FRMD4A: variants seen among roughly 807,000 people sequenced by gnomAD.
FRMD4A encodes FERM domain-containing protein 4A.
In FRMD4A, 29 loss-of-function variants were observed where a neutral mutation model predicts 129.1. The ratio of observed to expected loss-of-function variants is 0.22; its 90% confidence interval spans 0.17 to 0.31. The LOEUF is 0.31. Among genes scored for constraint, FRMD4A ranks in the 10% least tolerant of loss-of-function variants. The pLI is 1.00. For missense variants in FRMD4A, 1,272 were observed against 1,375.8 expected, an observed-to-expected ratio of 0.92 and a Z score of 1.19; for synonymous variants, 634 against 571.6, an observed-to-expected ratio of 1.11 and a Z score of -1.56.
chr10:13,699,362 C>A (rs1020653066), intron 14 of FRMD4A, among the ~76,000 whole-genome samples: 5 of 151,474 alleles, frequency 3.3e-5, no homozygotes, highest in Non-Finnish European at 5.9e-5. Context: ...CAGGCGTGAG[C>A]CATGGCGGCC....
chr10:14,283,361 T>C (rs1589262903), intron 2 of FRMD4A, among the ~76,000 whole-genome samples: 1 of 152,332 alleles, frequency 6.6e-6, no homozygotes, highest in Non-Finnish European at 1.5e-5. Context: ...AGCTGATCAC[T>C]GAAAAGACAG....
intron 2 of FRMD4A, among the ~76,000 whole-genome samples, chr10:14,257,529 A>T (rs1440401721): frequency 6.6e-6 from 1 of 152,218 alleles, no homozygotes; most frequent in Non-Finnish European, 1.5e-5. Flanking sequence ...TCGAAAATGC[A>T]TGTGTACCTG....
chr10:13,750,081 A>AAAGAAAGAAAGAAAGAAATG (rs2091510925), intron 8 of FRMD4A, among the ~76,000 whole-genome samples: 5 of 76,178 alleles, frequency 6.6e-5, no homozygotes, highest in South Asian at 4.9e-4. Flanking sequence ...AGAAAGAAAG[A>AAAGAAAGAAAGAAAGAAATG]AAGAAAGAAA....
intron 2 of FRMD4A, among the ~76,000 whole-genome samples, chr10:13,920,769 ATGTT>A (rs1383940353): frequency 1.3e-5 from 2 of 152,110 alleles, no homozygotes; most frequent in Non-Finnish European, 1.5e-5. Context: ...TACACATGGC[ATGTT>A]TGTTTGGGCT....
At chr10:13,834,039 G>C (rs1238674259) in intron 3 of FRMD4A, among the ~76,000 whole-genome samples, 1 of 152,108 alleles carries the variant, frequency 6.6e-6, no homozygotes, top group African/African-American at 2.4e-5. Context: ...GGAGGTGGGT[G>C]GATCACCTGA....
chr10:13,940,227 A>G (rs1166584135), intron 2 of FRMD4A, among the ~76,000 whole-genome samples: 1 of 152,058 alleles, frequency 6.6e-6, no homozygotes, highest in East Asian at 1.9e-4. Context: ...AACTGAGGCC[A>G]AGGTCATGGG....
chr10:13,933,824 A>G (rs751569687), intron 2 of FRMD4A, among the ~76,000 whole-genome samples: 2 of 152,204 alleles, frequency 1.3e-5, no homozygotes, highest in Non-Finnish European at 2.9e-5. Flanking sequence ...CTTGGACAGC[A>G]GACAAGCTGG....
chr10:14,319,089 C>G lies in FRMD4A; in HGVS notation c.45+10969G>C, dbSNP rs7071785. On this transcript the variant is annotated intron_variant, in intron 2 of 24. Transcript: ENST00000357447. ...GTTCACAGAACCAGCTGTGGTCTAG[C>G]TAACAATAGCATCTACCCATACATA... 3.1e-3 allele frequency among the ~76,000 whole-genome samples: 472 copies of G among 152,272 alleles called. 3 individuals carry two copies. The highest frequency in any genetic ancestry group is 0.011 in the African/African-American group (439 of 41,552).
chr10:13,950,022 T>C (rs2095360864), intron 2 of FRMD4A, among the ~76,000 whole-genome samples: 1 of 152,274 alleles, frequency 6.6e-6, no homozygotes, highest in African/African-American at 2.4e-5. Flanking sequence ...ATTTCTTTCA[T>C]TAGCCACATT....
At chr10:14,101,913 C>T (rs1302340264) in intron 2 of FRMD4A, among the ~76,000 whole-genome samples, 1 of 152,142 alleles carries the variant, frequency 6.6e-6, no homozygotes. Flanking sequence ...AGACATATCC[C>T]CCATCAATTA....
intron 2 of FRMD4A, among the ~76,000 whole-genome samples, chr10:14,238,893 A>G (rs562676594): frequency 4.5e-4 from 69 of 152,300 alleles, no homozygotes; most frequent in Admixed American, 1.0e-3. Flanking sequence ...ATAGTATTCC[A>G]TGGTGTATAT....
chr10:14,290,226 G>T (rs374131078), intron 2 of FRMD4A, among the ~76,000 whole-genome samples: 7 of 151,982 alleles, frequency 4.6e-5, no homozygotes, highest in African/African-American at 1.7e-4. Flanking sequence ...ATAGGAAAAA[G>T]TCCTAAAAGT....
intron 2 of FRMD4A, among the ~76,000 whole-genome samples, chr10:14,278,015 T>C (rs1845399393): frequency 6.6e-6 from 1 of 152,184 alleles, no homozygotes; most frequent in Non-Finnish European, 1.5e-5. Context: ...TCTTCCCAAC[T>C]GACATCTGGC....
chr10:14,278,721 G>A (rs1033269263), intron 2 of FRMD4A, among the ~76,000 whole-genome samples: 1 of 152,154 alleles, frequency 6.6e-6, no homozygotes. Context: ...AGCTGACCAC[G>A]AGAAAGAGGC....
chr10:13,658,777 G>A (rs976330394), intron 21 of FRMD4A, among the ~76,000 whole-genome samples: 1 of 151,648 alleles, frequency 6.6e-6, no homozygotes, highest in Admixed American at 6.6e-5. Flanking sequence ...ACCTACTTGG[G>A]AGGCTGAGGC....
intron 2 of FRMD4A, among the ~76,000 whole-genome samples, chr10:13,880,958 TG>T (rs1325120034): frequency 2.0e-5 from 3 of 152,078 alleles, no homozygotes; most frequent in Non-Finnish European, 2.9e-5. Context: ...AAGACTTGGT[TG>T]GTTTTTCTCA....
At chr10:13,931,884 G>A (rs1412970134) in intron 2 of FRMD4A, among the ~76,000 whole-genome samples, 9 of 152,072 alleles carry the variant, frequency 5.9e-5, no homozygotes, top group Non-Finnish European at 1.0e-4. Context: ...GGGAGGTGGA[G>A]GTTGCAATAA....
intron 2 of FRMD4A, among the ~76,000 whole-genome samples, chr10:13,877,885 G>C (rs1190497260): frequency 6.6e-6 from 1 of 152,170 alleles, no homozygotes; most frequent in African/African-American, 2.4e-5. Flanking sequence ...ATAAGTCCTA[G>C]AGCTGCTCCC....
chr10:14,311,714 GC>G (rs1401026692), intron 2 of FRMD4A, among the ~76,000 whole-genome samples: 1 of 151,712 alleles, frequency 6.6e-6, no homozygotes, highest in Admixed American at 6.6e-5. Flanking sequence ...TCTCCCTCCT[GC>G]CCCACAAAAT....
Sources: allele counts gnomAD v4.1 joint callset (sites outside exome capture counted in the v4.1 genomes callset), GRCh38; gene constraint gnomAD v4.1.1; transcripts MANE v1.5; gene names NCBI Gene and HGNC (gene_info 2026-07-23, HGNC 2026-07-21).